KCNIP4: variants seen among roughly 807,000 people sequenced by gnomAD.
KCNIP4 encodes the protein Kv channel-interacting protein 4.
In KCNIP4, 12 loss-of-function variants were observed where a neutral mutation model predicts 34.0. The ratio of observed to expected loss-of-function variants is 0.35; its 90% CI spans 0.23 to 0.57. KCNIP4 has a LOEUF of 0.57. Among genes scored for constraint, KCNIP4 ranks in the 20% least tolerant of loss-of-function variants. The pLI is 0.83. For synonymous variants in KCNIP4, 124 were observed against 102.2 expected (o/e 1.21, Z -1.29); for missense variants, 238 against 311.7 (o/e 0.76, Z 1.78).
chr4:21,868,798 G>T (rs532861616), intron 1 of KCNIP4, among the ~76,000 whole-genome samples: 51 of 152,264 alleles, frequency 3.3e-4, no homozygotes, highest in African/African-American at 1.2e-3. Flanking sequence ...AGACCATGGG[G>T]TGGCTTCATA....
intron 1 of KCNIP4, among the ~76,000 whole-genome samples, chr4:21,917,976 G>A (rs1233589029): frequency 6.6e-6 from 1 of 152,078 alleles, no homozygotes; most frequent in Non-Finnish European, 1.5e-5. Flanking sequence ...GCTACAAGAT[G>A]GACACTAAAA....
chr4:21,620,549 T>C (rs1411598166), intron 1 of KCNIP4, among the ~76,000 whole-genome samples: 1 of 151,864 alleles, frequency 6.6e-6, no homozygotes, highest in East Asian at 1.9e-4. Context: ...CATAGAAAAA[T>C]ATTATTAGAG....
At chr4:20,854,546 G>A (rs150982806) in intron 2 of KCNIP4, among the ~76,000 whole-genome samples, 29 of 152,262 alleles carry the variant, frequency 1.9e-4, no homozygotes, top group Non-Finnish European at 3.2e-4. Flanking sequence ...CAGTGTATAC[G>A]TGGGTGATGG....
At chr4:21,843,495 T>C (rs1723815358) in intron 1 of KCNIP4, 1 of 152,004 alleles carries the variant, frequency 6.6e-6, no homozygotes, top group Non-Finnish European at 1.5e-5. Context: ...CCAGGAAGGA[T>C]TTTTCTGACC....
intron 1 of KCNIP4, among the ~76,000 whole-genome samples, chr4:21,183,046 A>G (rs563287088): frequency 2.7e-4 from 41 of 152,174 alleles, no homozygotes; most frequent in Admixed American, 2.2e-3. Context: ...TCACCGTTTT[A>G]CTTTCTACTT....
chr4:21,413,897 TAACC>T (rs1373767591), intron 1 of KCNIP4, among the ~76,000 whole-genome samples: 12 of 152,304 alleles, frequency 7.9e-5, no homozygotes, highest in Middle Eastern at 3.4e-3. Flanking sequence ...AAACCACTTT[TAACC>T]AAGTCCCATT....
At chr4:21,704,719 T>G (rs769250766) in intron 1 of KCNIP4, among the ~76,000 whole-genome samples, 52 of 152,232 alleles carry the variant, frequency 3.4e-4, no homozygotes, top group Non-Finnish European at 6.3e-4. Flanking sequence ...CAAGACCAAA[T>G]GTTGGCAAGG....
chr4:21,794,032 C>T (rs1011506273), intron 1 of KCNIP4, among the ~76,000 whole-genome samples: 5 of 152,128 alleles, frequency 3.3e-5, no homozygotes, highest in Non-Finnish European at 5.9e-5. Flanking sequence ...GACAGAAAAC[C>T]AAACCCCGCA....
chr4:21,506,343 C>G (rs1733845337), intron 1 of KCNIP4, among the ~76,000 whole-genome samples: 1 of 152,174 alleles, frequency 6.6e-6, no homozygotes, highest in Non-Finnish European at 1.5e-5. Context: ...CTGGGCCTCA[C>G]TCTATTTTGT....
At chr4:20,983,801 G>A (rs1736324117) in intron 1 of KCNIP4, 2 of 1,535,316 alleles carry the variant, frequency 1.3e-6, no homozygotes, top group Admixed American at 3.9e-5. Context: ...ACAGACTGGA[G>A]CGACCACTTT....
chr4:21,213,915 T>G (rs1252709212), intron 1 of KCNIP4, among the ~76,000 whole-genome samples: 2 of 152,206 alleles, frequency 1.3e-5, no homozygotes, highest in Middle Eastern at 3.2e-3. Context: ...ATTCTTCTTT[T>G]GCCTCTTGGA....
intron 1 of KCNIP4, among the ~76,000 whole-genome samples, chr4:21,391,897 A>G (rs946046814): frequency 6.6e-6 from 1 of 152,154 alleles, no homozygotes. Context: ...ATAATAGTGG[A>G]CATAGTCCGG....
intron 1 of KCNIP4, among the ~76,000 whole-genome samples, chr4:21,407,875 A>C (rs1229019055): frequency 6.6e-6 from 1 of 152,218 alleles, no homozygotes; most frequent in Non-Finnish European, 1.5e-5. Flanking sequence ...AGGAAACTTC[A>C]AATAATTATA....
At chr4:21,352,846 C>T (rs541554002) in intron 1 of KCNIP4, among the ~76,000 whole-genome samples, 2 of 152,302 alleles carry the variant, frequency 1.3e-5, no homozygotes, top group African/African-American at 2.4e-5. Flanking sequence ...CCCAGTGTAC[C>T]CAAACTGGGA....
chr4:21,585,009 A>G (rs1311450012), intron 1 of KCNIP4, among the ~76,000 whole-genome samples: 1 of 152,148 alleles, frequency 6.6e-6, no homozygotes, highest in African/African-American at 2.4e-5. Context: ...CAAAAATAGC[A>G]GTTGAACAAA....
chr4:21,805,837 C>G (rs960788391), intron 1 of KCNIP4, among the ~76,000 whole-genome samples: 1 of 152,170 alleles, frequency 6.6e-6, no homozygotes, highest in African/African-American at 2.4e-5. Flanking sequence ...CTGTGGACTT[C>G]ATATCCAAAG....
At chr4:21,121,771 T>C (rs947058773) in intron 1 of KCNIP4, among the ~76,000 whole-genome samples, 2 of 152,196 alleles carry the variant, frequency 1.3e-5, no homozygotes, top group South Asian at 4.1e-4. Context: ...GCAGGTAGAT[T>C]CCCATGTTTC....
chr4:21,138,377 A>G (rs961424433), intron 1 of KCNIP4, among the ~76,000 whole-genome samples: 6 of 152,092 alleles, frequency 3.9e-5, no homozygotes, highest in Non-Finnish European at 8.8e-5. Flanking sequence ...TTCAAACACA[A>G]ATATGCTTTT....
chr4:21,326,374 TTA>T (rs1275818047), intron 1 of KCNIP4, among the ~76,000 whole-genome samples: 1 of 151,774 alleles, frequency 6.6e-6, no homozygotes, highest in East Asian at 1.9e-4. Flanking sequence ...TTTGTTCTTT[TTA>T]TAGTTTTTGT....
Sources: allele counts gnomAD v4.1 joint callset (sites outside exome capture counted in the v4.1 genomes callset), GRCh38; gene constraint gnomAD v4.1.1; transcripts MANE v1.5; gene names NCBI Gene and HGNC (gene_info 2026-07-23, HGNC 2026-07-21).